Variants in TRERF1 observed in about 807,000 individuals in gnomAD.
TRERF1 encodes transcriptional regulating factor 1.
In TRERF1, 27 loss-of-function variants were observed where a neutral mutation model predicts 122.9. The observed-to-expected ratio is 0.22, with a 90% CI of 0.16 to 0.30. The LOEUF is 0.30. TRERF1 is among the 10% of genes least tolerant of loss of function. The pLI is 1.00. For synonymous variants in TRERF1, 636 were observed against 641.7 expected, an observed-to-expected ratio of 0.99 and a Z score of 0.13; for missense variants, 1,248 against 1,560.3, an observed-to-expected ratio of 0.80 and a Z score of 3.37.
intron 3 of TRERF1, among the ~76,000 whole-genome samples, chr6:42,323,609 A>G (rs879380818): frequency 6.6e-6 from 1 of 152,192 alleles, no homozygotes; most frequent in Non-Finnish European, 1.5e-5. Context: ...CAATTTGACA[A>G]TAGGGAAGGT....
At chr6:42,451,401 A>AG in intron 1 of TRERF1, 140 bp from the exon 2 acceptor site, 1 of 151,912 alleles carries the variant, frequency 6.6e-6, no homozygotes. Context: ...TCTCCCCAGC[A>AG]GGGAACCTGG....
chr6:42,397,185 A>T (rs1415642652), intron 2 of TRERF1, among the ~76,000 whole-genome samples: 1 of 152,166 alleles, frequency 6.6e-6, no homozygotes, highest in East Asian at 1.9e-4. Flanking sequence ...GAGGAAGGAG[A>T]CAGAGGGCAT....
intron 2 of TRERF1, among the ~76,000 whole-genome samples, chr6:42,395,272 C>T (rs1215388715): frequency 1.3e-5 from 2 of 152,204 alleles, no homozygotes; most frequent in Non-Finnish European, 2.9e-5. Context: ...AGCCCAGATG[C>T]CCCACCCACC....
At chr6:42,272,826 AC>A (rs2149948267) in intron 4 of TRERF1, among the ~76,000 whole-genome samples, 1 of 152,188 alleles carries the variant, frequency 6.6e-6, no homozygotes, top group Non-Finnish European at 1.5e-5. Flanking sequence ...AGCCTCATCC[AC>A]CACCCATCCT....
intron 2 of TRERF1, among the ~76,000 whole-genome samples, chr6:42,423,925 A>G (rs1783221985): frequency 6.6e-6 from 1 of 152,232 alleles, no homozygotes; most frequent in African/African-American, 2.4e-5. Flanking sequence ...TCTGCATCCC[A>G]AAACAATGTA....
intron 2 of TRERF1, among the ~76,000 whole-genome samples, chr6:42,372,083 G>A (rs1773873998): frequency 6.6e-6 from 1 of 152,184 alleles, no homozygotes; most frequent in Non-Finnish European, 1.5e-5. Flanking sequence ...TCAGGAGGCT[G>A]AGGCATGAGA....
chr6:42,337,103 C>G (rs1766345072), intron 3 of TRERF1, among the ~76,000 whole-genome samples: 2 of 152,054 alleles, frequency 1.3e-5, no homozygotes, highest in Non-Finnish European at 2.9e-5. Flanking sequence ...CCATGGGCAC[C>G]CTGAGCTCCT....
chr6:42,342,300 G>A (rs1767456281), intron 3 of TRERF1, among the ~76,000 whole-genome samples: 1 of 152,164 alleles, frequency 6.6e-6, no homozygotes, highest in Non-Finnish European at 1.5e-5. Flanking sequence ...CTCAGCCCTA[G>A]GCAAACTAGG....
At chr6:42,380,650 T>C (rs1370059489) in intron 2 of TRERF1, among the ~76,000 whole-genome samples, 1 of 152,154 alleles carries the variant, frequency 6.6e-6, no homozygotes, top group East Asian at 1.9e-4. Flanking sequence ...CCCCCAGCAA[T>C]TCCCCACCGC....
At chr6:42,247,640 A>G (rs1775039463) in intron 13 of TRERF1, among the ~76,000 whole-genome samples, 1 of 152,158 alleles carries the variant, frequency 6.6e-6, no homozygotes, top group African/African-American at 2.4e-5. Context: ...GCTAAACCTG[A>G]TATTTATGTC....
chr6:42,239,901 C>G (rs867937034), intron 15 of TRERF1, among the ~76,000 whole-genome samples: 2 of 151,946 alleles, frequency 1.3e-5, no homozygotes, highest in South Asian at 2.1e-4. Flanking sequence ...TGCACATAAG[C>G]CTTTTGCTCT....
chr6:42,352,056 G>A (rs1376820792), intron 3 of TRERF1, among the ~76,000 whole-genome samples: 1 of 152,180 alleles, frequency 6.6e-6, no homozygotes, highest in African/African-American at 2.4e-5. Flanking sequence ...ACAGGCTGGA[G>A]TACAGTGGCA....
intron 13 of TRERF1, among the ~76,000 whole-genome samples, chr6:42,253,214 C>T (rs924721559): frequency 2.0e-5 from 3 of 152,144 alleles, no homozygotes; most frequent in Admixed American, 6.5e-5. Context: ...TTGTTTGGTA[C>T]ACTTGGAAGA....
chr6:42,230,082 G>A (rs1311611540), intron 17 of TRERF1, among the ~76,000 whole-genome samples: 1 of 152,136 alleles, frequency 6.6e-6, no homozygotes, highest in Non-Finnish European at 1.5e-5. Flanking sequence ...TCACTTCTGA[G>A]CTCATGAAGG....
Position 42,281,292 on chromosome 6 carries a change from G to C in TRERF1, c.-258-11444C>G, listed in dbSNP as rs546287837. Among the ~76,000 whole-genome samples, 138 of 152,274 alleles carry C rather than the reference G, an allele frequency of 9.1e-4. 1 individual carries two copies. The South Asian group carries it at 0.028, about 31-fold the overall frequency. On this transcript the variant is annotated intron_variant, in intron 4 of 17. Coordinates refer to ENST00000372922, the Ensembl canonical transcript of TRERF1. Reference sequence around the variant, plus strand: ...CCCCGGAGCCTGGGCTGCAGGGAGAGTGTGAGGACCAAATCCTAGCTAAAG... The same window carrying C: ...CCCCGGAGCCTGGGCTGCAGGGAGACTGTGAGGACCAAATCCTAGCTAAAG...
chr6:42,441,314 G>C (rs1001156304), intron 2 of TRERF1, among the ~76,000 whole-genome samples: 1 of 152,088 alleles, frequency 6.6e-6, no homozygotes, highest in Non-Finnish European at 1.5e-5. Flanking sequence ...GAAATCTTAC[G>C]TAGAGTTGCT....
intron 3 of TRERF1, among the ~76,000 whole-genome samples, chr6:42,357,482 T>C (rs566172560): frequency 1.1e-4 from 17 of 152,308 alleles, no homozygotes; most frequent in African/African-American, 3.8e-4. Flanking sequence ...CTGTAGGTGT[T>C]AGTGTGCCAC....
intron 3 of TRERF1, among the ~76,000 whole-genome samples, chr6:42,314,819 G>A (rs967740316): frequency 6.6e-6 from 1 of 152,210 alleles, no homozygotes; most frequent in Non-Finnish European, 1.5e-5. Context: ...TTAGAAGGGT[G>A]TGGCTGGGAC....
intron 2 of TRERF1, among the ~76,000 whole-genome samples, chr6:42,415,786 G>C (rs1781748729): frequency 1.3e-5 from 2 of 152,018 alleles, no homozygotes; most frequent in African/African-American, 4.8e-5. Context: ...ATGTATCAGA[G>C]CTAGAACTTC....
Sources: allele counts gnomAD v4.1 joint callset (sites outside exome capture counted in the v4.1 genomes callset), GRCh38; gene constraint gnomAD v4.1.1; transcripts MANE v1.5; gene names NCBI Gene and HGNC (gene_info 2026-07-23, HGNC 2026-07-21).